SLC25A48: variants seen among roughly 807,000 people sequenced by gnomAD.
SLC25A48 encodes solute carrier family 25 member 48, also known as CTC-321K16.1.
A neutral mutation model predicts 32.2 loss-of-function variants in SLC25A48; 29 were observed. The observed-to-expected ratio is 0.90, with a 90% CI of 0.67 to 1.23. The LOEUF is 1.23. Among genes scored for constraint, SLC25A48 ranks in the 50% most tolerant of loss-of-function variants. The probability of loss-of-function intolerance (pLI) is 0.00; values close to 1 mark genes in which losing one functional copy is unlikely to be tolerated. For missense variants in SLC25A48, 399 were observed against 422.7 expected (o/e 0.94, Z 0.49); for synonymous variants, 164 against 172.3 (o/e 0.95, Z 0.38).
chr5:135,665,796 C>T (rs1321318190), intron 3 of SLC25A48, among the ~76,000 whole-genome samples: 5 of 151,222 alleles, frequency 3.3e-5, no homozygotes, highest in East Asian at 1.9e-4. Context: ...TCCTTGAGTC[C>T]TGCCTCCAAG....
rs551819738 is a variant in SLC25A48 at position 135,583,441 on chromosome 5, C to T, written c.-849+3844C>T. Among the ~76,000 whole-genome samples, 4 of 151,996 alleles carry T rather than the reference C, an allele frequency of 2.6e-5. No individual in the cohort carries two copies. The South Asian group carries it at 8.3e-4, about 32-fold the overall frequency. On this transcript the variant is annotated intron_variant, in intron 1 of 10. Coordinates refer to the SLC25A48 transcript ENST00000646290. ...GCTGGGATCCAGGGCAATTCCTTCC[C>T]CCATTCTTTTAGTTCTTTTCGTGAC...
chr5:135,772,796 G>A (rs1756448107), intron 3 of SLC25A48, among the ~76,000 whole-genome samples: 1 of 151,288 alleles, frequency 6.6e-6, no homozygotes, highest in African/African-American at 2.4e-5. Flanking sequence ...TACTCCCAAT[G>A]TCTCAGGGGT....
At chr5:135,726,558 A>C (rs1755094048) in intron 3 of SLC25A48, among the ~76,000 whole-genome samples, 1 of 152,192 alleles carries the variant, frequency 6.6e-6, no homozygotes, top group African/African-American at 2.4e-5. Context: ...CATAAATGGA[A>C]TCCTGTGGTA....
At chr5:135,642,144 G>A (rs11738809) in intron 3 of SLC25A48, among the ~76,000 whole-genome samples, 71,054 of 152,092 alleles carry the variant, frequency 0.47, 16,810 homozygotes, top group South Asian at 0.5. Flanking sequence ...ACCTTCGCAC[G>A]CTTGGGGGCC....
chr5:135,756,225 A>G (rs563426520), intron 3 of SLC25A48, among the ~76,000 whole-genome samples: 57 of 152,236 alleles, frequency 3.7e-4, no homozygotes, highest in South Asian at 6.2e-4. Context: ...TGATATCTAT[A>G]AAATAAAGTC....
At chr5:135,647,868 C>A (rs539585577) in intron 3 of SLC25A48, among the ~76,000 whole-genome samples, 2 of 152,108 alleles carry the variant, frequency 1.3e-5, no homozygotes, top group Non-Finnish European at 2.9e-5. Flanking sequence ...TCTCTGGGAG[C>A]ACTGCTTGGA....
chr5:135,811,034 G>A (rs537165197), intron 3 of SLC25A48, among the ~76,000 whole-genome samples: 5 of 152,288 alleles, frequency 3.3e-5, no homozygotes, highest in South Asian at 4.1e-4. Context: ...AGGGGAACTC[G>A]GGACTTCTTG....
Position 135,852,635 on chromosome 5 carries a change from G to A in SLC25A48, c.235G>A (p.Val79Ile). ...CGTCTACAACTCCGTGGTGTTTGGG[G>A]TCTTCAGTAACACGCAGCGGTTCCT... is the stretch of plus-strand genomic sequence containing the variant. ...IAVYNSVVFG[V>I]FSNTQRFLSQ... Residue 79 changes from valine to isoleucine, a missense_variant, in exon 4 of 8, where the codon GTC (valine) becomes ATC (isoleucine). Coordinates refer to ENST00000681962, the MANE Select transcript of SLC25A48 (RefSeq NM_001349336.2). The A allele has an allele frequency of 6.2e-7, 1 of 1,613,656 alleles. No individual in the cohort carries two copies. Among genetic ancestry groups the A allele is most frequent in the East Asian group, 2.2e-5 (1 of 44,858 alleles).
At chr5:135,776,273 T>G (rs10037704) in intron 3 of SLC25A48, among the ~76,000 whole-genome samples, 64,987 of 123,736 alleles carry the variant, frequency 0.53, 17,993 homozygotes, top group Non-Finnish European at 0.67. Context: ...ATCTGGGGGG[T>G]GGGGGGCAGA....
chr5:135,673,496 T>C (rs978224210), intron 3 of SLC25A48, among the ~76,000 whole-genome samples: 1 of 152,176 alleles, frequency 6.6e-6, no homozygotes, highest in African/African-American at 2.4e-5. Context: ...TATATTTTCA[T>C]TCACTTGACA....
chr5:135,777,932 G>A (rs1394892802), intron 3 of SLC25A48, among the ~76,000 whole-genome samples: 1 of 151,520 alleles, frequency 6.6e-6, no homozygotes, highest in African/African-American at 2.4e-5. Context: ...ATTGTTCCTA[G>A]TATCCTGGGC....
intron 6 of SLC25A48, chr5:135,876,197 T>C (rs1451688766): frequency 7.4e-6 from 1 of 135,340 alleles, no homozygotes; most frequent in Non-Finnish European, 1.5e-5. Context: ...CCAATGAGTA[T>C]AGAGGGATAT....
At chr5:135,855,579 T>G (rs554667103) in intron 4 of SLC25A48, among the ~76,000 whole-genome samples, 1 of 151,904 alleles carries the variant, frequency 6.6e-6, no homozygotes, top group South Asian at 2.1e-4. Context: ...GCATGGGAGG[T>G]TTCTGCAGGC....
Position 135,585,355 on chromosome 5 carries a change from A to G in SLC25A48, c.-849+5758A>G, listed in dbSNP as rs572321928. 1.4e-4 allele frequency among the ~76,000 whole-genome samples: 21 copies of G among 152,274 alleles called. No homozygotes were observed. In the East Asian group the frequency reaches 3.9e-3, roughly 28 times the overall value. Reference sequence around the variant, plus strand: ...CGTTTGCCTTCCTGAAACTGCGAAGATGTCATTTTACAGGGAAGCCCTCCT... The same window carrying G: ...CGTTTGCCTTCCTGAAACTGCGAAGGTGTCATTTTACAGGGAAGCCCTCCT... On this transcript the variant is annotated intron_variant, in intron 1 of 10. Coordinates refer to the SLC25A48 transcript ENST00000646290.
intron 1 of SLC25A48, among the ~76,000 whole-genome samples, chr5:135,619,147 T>A (rs1464035477): frequency 3.9e-5 from 6 of 152,160 alleles, no homozygotes; most frequent in Admixed American, 3.3e-4. Flanking sequence ...TTGGTCACTT[T>A]ATGATGTTTT....
intron 3 of SLC25A48, among the ~76,000 whole-genome samples, chr5:135,670,429 G>T (rs1387652132): frequency 6.6e-6 from 1 of 152,210 alleles, no homozygotes; most frequent in Non-Finnish European, 1.5e-5. Context: ...TCTTTTCCAG[G>T]CACGGACACA....
intron 1 of SLC25A48, among the ~76,000 whole-genome samples, chr5:135,623,606 C>T (rs945880375): frequency 2.0e-5 from 3 of 152,200 alleles, no homozygotes; most frequent in Non-Finnish European, 2.9e-5. Context: ...GAGCCTCAGG[C>T]TGCCCTTCTA....
chr5:135,588,931 A>T (rs1166692767), intron 1 of SLC25A48, among the ~76,000 whole-genome samples: 1 of 152,202 alleles, frequency 6.6e-6, no homozygotes, highest in African/African-American at 2.4e-5. Flanking sequence ...CACAAACAAA[A>T]AAACAAACAA....
At chr5:135,856,790 A>G (rs1241582799) in intron 4 of SLC25A48, among the ~76,000 whole-genome samples, 1 of 152,246 alleles carries the variant, frequency 6.6e-6, no homozygotes, top group Non-Finnish European at 1.5e-5. Flanking sequence ...GGCATAAGCA[A>G]AGATGTAGAG....
Sources: allele counts gnomAD v4.1 joint callset (sites outside exome capture counted in the v4.1 genomes callset), GRCh38; gene constraint gnomAD v4.1.1; transcripts MANE v1.5; gene names NCBI Gene and HGNC (gene_info 2026-07-23, HGNC 2026-07-21).